The following ZNF10 variants were observed in gnomAD, a reference collection of about 807,000 sequenced individuals.
ZNF10 encodes the protein zinc finger protein 10 (KOX 1).
In ZNF10, 8 loss-of-function variants were observed where a neutral mutation model predicts 12.2. The observed-to-expected ratio is 0.66, with a 90% CI of 0.39 to 1.18. ZNF10 has a LOEUF of 1.18. ZNF10 is among the 50% of genes most tolerant of loss of function. The pLI is 0.01. For synonymous variants in ZNF10, 229 were observed against 228.2 expected, an observed-to-expected ratio of 1.00 and a Z score of -0.03; for missense variants, 603 against 678.9, an observed-to-expected ratio of 0.89 and a Z score of 1.24.
At chr12:133,151,210 A>C in intron 3 of ZNF10, 56 bp downstream of exon 3, 1 of 1,550,650 alleles carries the variant, frequency 6.4e-7, no homozygotes. Flanking sequence ...AAAGGTACAG[A>C]GACCCTGAAG....
intron 2 of ZNF10, chr12:133,144,780 A>T: frequency 2.0e-6 from 1 of 491,806 alleles, no homozygotes; most frequent in Non-Finnish European, 3.7e-6. Flanking sequence ...ACAGAATGGA[A>T]TGAGATTAGT....
chr12:133,145,674 G>A (rs1040292448), intron 2 of ZNF10, among the ~76,000 whole-genome samples: 12 of 151,422 alleles, frequency 7.9e-5, no homozygotes, highest in African/African-American at 2.7e-4. Context: ...CAAGCCAGGC[G>A]TGGTGGCATA....
In ZNF10 at chr12:133,156,994, G is replaced by T; in HGVS notation, c.*26G>T. On this transcript the variant is annotated 3_prime_UTR_variant, in exon 5 of 5. Coordinates refer to ENST00000248211, the MANE Select transcript of ZNF10 (RefSeq NM_015394.5). ...TAAATATGGGAATTTTTCACAAAGA[G>T]CAATGACTTTATTTTGCATTGGAGA... 7.1e-7 allele frequency: 1 copy of T among 1,404,788 alleles called. No homozygotes were observed. Among genetic ancestry groups the T allele is most frequent in the Non-Finnish European group, 9.3e-7 (1 of 1,076,278 alleles). 87.0% of individuals were successfully genotyped at this position (1,404,788 alleles called of 1,614,324 possible). A position where few individuals can be genotyped will look rare whatever the true frequency, so the allele number is the denominator to read the frequency against.
Position 133,159,347 on chromosome 12 carries a change from C to T in ZNF10, c.*2379C>T, listed in dbSNP as rs1350071251. On this transcript the variant is annotated 3_prime_UTR_variant, in exon 5 of 5. Coordinates refer to ENST00000248211, the MANE Select transcript of ZNF10 (RefSeq NM_015394.5). ...TTATGCAGGCATTAAAATATGTACA[C>T]AAAAAGTTTGGTAAAGGAAAAATGC... 6.6e-6 allele frequency: 1 copy of T among 152,022 alleles called. No individual in the cohort carries two copies. Among genetic ancestry groups the T allele is most frequent in the African/African-American group, 2.4e-5 (1 of 41,392 alleles). The allele number at this position is 152,022 out of a possible 1,614,324, so 9.4% of individuals were successfully genotyped here. A position where few individuals can be genotyped will look rare whatever the true frequency, so the allele number is the denominator to read the frequency against.
chr12:133,147,889 T>G (rs187060829), intron 2 of ZNF10, among the ~76,000 whole-genome samples: 60 of 151,934 alleles, frequency 3.9e-4, no homozygotes, highest in African/African-American at 1.4e-3. Context: ...TCCCGAGGCC[T>G]GCCTTGGCCT....
At chr12:133,140,445 T>TA (rs1265554620) in intron 1 of ZNF10, among the ~76,000 whole-genome samples, 134 of 145,762 alleles carry the variant, frequency 9.2e-4, no homozygotes, top group Admixed American at 2.0e-3. Context: ...TTTTTTTTTT[T>TA]TAAATAAGTC....
intron 1 of ZNF10, chr12:133,131,010 T>C (rs1348963543): frequency 1.3e-5 from 2 of 152,180 alleles, no homozygotes; most frequent in East Asian, 3.8e-4. Flanking sequence ...TGGGCGGCGG[T>C]GGTGGTAAGT....
intron 2 of ZNF10, among the ~76,000 whole-genome samples, chr12:133,147,214 T>C: frequency 6.6e-6 from 1 of 152,204 alleles, no homozygotes; most frequent in East Asian, 1.9e-4. Context: ...CTTTCTCAGG[T>C]TTATACATTT....
intron 1 of ZNF10, among the ~76,000 whole-genome samples, chr12:133,140,947 T>TA (rs1955941104): frequency 1.1e-5 from 1 of 92,932 alleles, no homozygotes; most frequent in African/African-American, 5.2e-5. Context: ...GATTAGTACA[T>TA]ACGTGTGAGG....
At chr12:133,142,428 A>AAAAG (rs780984486) in intron 1 of ZNF10, among the ~76,000 whole-genome samples, 1 of 150,348 alleles carries the variant, frequency 6.7e-6, no homozygotes, top group Non-Finnish European at 1.5e-5. Context: ...AAAAAAAAAA[A>AAAAG]GTGGGAGAAA....
intron 1 of ZNF10, among the ~76,000 whole-genome samples, chr12:133,138,744 A>G (rs1053841068): frequency 2.6e-5 from 4 of 152,160 alleles, no homozygotes; most frequent in African/African-American, 7.2e-5. Context: ...AGCAAGCTCT[A>G]TGAGGGAAGG....
intron 2 of ZNF10, among the ~76,000 whole-genome samples, chr12:133,145,548 A>G (rs1399764044): frequency 6.6e-6 from 1 of 152,114 alleles, no homozygotes; most frequent in Non-Finnish European, 1.5e-5. Context: ...GGTGGCTCAT[A>G]CCTATAATCC....
chr12:133,133,254 G>T (rs989634913), intron 1 of ZNF10, among the ~76,000 whole-genome samples: 1 of 152,158 alleles, frequency 6.6e-6, no homozygotes, highest in Non-Finnish European at 1.5e-5. Flanking sequence ...GCCCTTTGCT[G>T]AAGCAAATAC....
Position 133,158,751 on chromosome 12 carries a change from G to GA in ZNF10, c.*1789dup, listed in dbSNP as rs1193732643. 6.6e-6 allele frequency: 1 copy of GA among 152,128 alleles called. No homozygotes were observed. The highest frequency in any genetic ancestry group is 1.9e-4 in the East Asian group (1 of 5,182). The allele number at this position is 152,128 out of a possible 1,614,324, so 9.4% of individuals were successfully genotyped here. A position where few individuals can be genotyped will look rare whatever the true frequency, so the allele number is the denominator to read the frequency against. On this transcript the variant is annotated 3_prime_UTR_variant, in exon 5 of 5. Coordinates refer to ENST00000248211, the MANE Select transcript of ZNF10 (RefSeq NM_015394.5). ...CCAGAGATCTTGATCTCTCTCTGAGGAAAAAACCTAGAAATGATGGTTAGA... is the reference window on the plus strand; with the variant it reads ...CCAGAGATCTTGATCTCTCTCTGAGGAAAAAAACCTAGAAATGATGGTTAGA...
intron 4 of ZNF10, among the ~76,000 whole-genome samples, chr12:133,152,976 T>C (rs973214007): frequency 1.3e-4 from 20 of 152,204 alleles, no homozygotes; most frequent in African/African-American, 4.1e-4. Context: ...TTGTAGGTGA[T>C]TGTATCAAAA....
chr12:133,144,574 T>C, intron 2 of ZNF10, 49 bp downstream of exon 2: 8 of 1,571,210 alleles, frequency 5.1e-6, no homozygotes, highest in Non-Finnish European at 7.0e-6. Context: ...CCTTTTTGCT[T>C]TAGTTCCTTT....
intron 2 of ZNF10, among the ~76,000 whole-genome samples, chr12:133,145,294 T>C (rs1955969019): frequency 6.6e-6 from 1 of 152,218 alleles, no homozygotes; most frequent in Non-Finnish European, 1.5e-5. Context: ...ACACAAGATA[T>C]TTCAAAAGTA....
At chr12:133,131,534 C>T (rs1372007989) in intron 1 of ZNF10, among the ~76,000 whole-genome samples, 1 of 151,690 alleles carries the variant, frequency 6.6e-6, no homozygotes, top group Non-Finnish European at 1.5e-5. Context: ...TGCCAGCCAA[C>T]AAGTGTTATT....
intron 1 of ZNF10, among the ~76,000 whole-genome samples, chr12:133,140,837 C>G (rs976615751): frequency 2.6e-5 from 4 of 151,822 alleles, no homozygotes; most frequent in African/African-American, 9.7e-5. Flanking sequence ...ATGCATGGTC[C>G]CATAAGTAAA....
Sources: gnomAD v4.1 joint callset for allele counts (sites outside exome capture counted in the v4.1 genomes callset) on GRCh38, gnomAD v4.1.1 for gene constraint, MANE v1.5 for transcripts, NCBI Gene and HGNC (gene_info 2026-07-23, HGNC 2026-07-21) for gene names.